The following CEBPZ variants were observed in gnomAD, a reference collection of about 807,000 sequenced individuals.
CEBPZ encodes CCAAT enhancer binding protein zeta, also known as CCAAT/enhancer-binding protein zeta.
Under a neutral mutation model 104.5 loss-of-function variants are expected in CEBPZ, and 78 were observed. The ratio of observed to expected loss-of-function variants is 0.75; its 90% confidence interval spans 0.62 to 0.90. The LOEUF is 0.90. Ranked by LOEUF, CEBPZ falls within the 40% of genes least tolerant of loss-of-function variation. CEBPZ has a pLI of 0.00. For synonymous variants in CEBPZ, 470 were observed against 427.0 expected (o/e 1.10, Z -1.24); for missense variants, 1,439 against 1,233.5 (o/e 1.17, Z -2.50).
rs1410448810 is a variant in CEBPZ at position 37,201,692 on chromosome 2, G to A, written c.*72C>T. ...TGGAATGTATGGAATCAGAGAGCTA[G>A]ATCAAAAAACATGGTTGAACAGCAA... is the stretch of plus-strand genomic sequence containing the variant. On this transcript the variant is annotated 3_prime_UTR_variant, in exon 16 of 16. Coordinates refer to ENST00000234170, the MANE Select transcript of CEBPZ (RefSeq NM_005760.3). The A allele has an allele frequency of 4.3e-6, 4 of 928,286 alleles. No individual in the cohort carries two copies. Among genetic ancestry groups the A allele is most frequent in the Non-Finnish European group, 5.2e-6 (3 of 577,470 alleles). 57.5% of individuals were successfully genotyped at this position (928,286 alleles called of 1,614,324 possible). A position where few individuals can be genotyped will look rare whatever the true frequency, so the allele number is the denominator to read the frequency against.
At chr2:37,215,245 G>T in intron 8 of CEBPZ, 1 of 238,312 alleles carries the variant, frequency 4.2e-6, no homozygotes. Flanking sequence ...TTGCATCCAG[G>T]ACCCAACTTT....
intron 10 of CEBPZ, chr2:37,212,757 G>A (rs971556189): frequency 5.6e-6 from 1 of 177,088 alleles, no homozygotes; most frequent in African/African-American, 2.4e-5. Flanking sequence ...AACATCTCAT[G>A]CTTGTAATTC....
chr2:37,208,593 C>T (rs1368035147), intron 13 of CEBPZ, among the ~76,000 whole-genome samples: 1 of 152,090 alleles, frequency 6.6e-6, no homozygotes, highest in East Asian at 1.9e-4. Context: ...AATCAAGCAT[C>T]CTTTATGATT....
chr2:37,203,072 G>T, intron 13 of CEBPZ, 64 bp from the exon 14 acceptor site: 1 of 1,094,280 alleles, frequency 9.1e-7, no homozygotes, highest in Non-Finnish European at 1.3e-6. Flanking sequence ...AAAATGCAAT[G>T]CAACATGATT....
Position 37,227,695 on chromosome 2 carries a change from C to A in CEBPZ, c.1498G>T (p.Gly500Cys). 1 of 1,614,160 alleles carries A rather than the reference C, an allele frequency of 6.2e-7. No individual in the cohort carries two copies. Among genetic ancestry groups the A allele is most frequent in the Non-Finnish European group, 8.5e-7 (1 of 1,180,036 alleles). The change falls in exon 2 of 16, where the codon GGT becomes TGT. Residue 500 changes from glycine (G) to cysteine (C), a missense_variant. Physicochemically the swap from Gly to Cys is radical, Grantham distance 159 (BLOSUM62 -3). Transcript: ENST00000234170. ...ATCTGCTCCCTTACTTTGTCATCAC[C>A]AGTCTGGGAATAAGGGTATGCCCTA... Reference protein sequence around the residue: ...VNRAYPYSQTGDDKVREQIDT... With the variant: ...VNRAYPYSQTCDDKVREQIDT...
rs916819322 is a variant in CEBPZ at position 37,202,067 on chromosome 2, T to G, written c.3026-164A>C. On this transcript the variant is annotated intron_variant, in intron 15 of 15. Coordinates refer to ENST00000234170, the MANE Select transcript of CEBPZ (RefSeq NM_005760.3). Reference sequence around the variant, plus strand: ...TGTTTGTTGCTTTTCTTCTCATATTTATTGTCAAAGATAAATGTTTCAAAA... The same window carrying G: ...TGTTTGTTGCTTTTCTTCTCATATTGATTGTCAAAGATAAATGTTTCAAAA... 1.1e-5 allele frequency: 5 copies of G among 466,874 alleles called. No homozygotes were observed. The South Asian group carries it at 3.1e-4, about 29-fold the overall frequency. The allele number at this position is 466,874 out of a possible 1,614,324, so 28.9% of individuals were successfully genotyped here. A position where few individuals can be genotyped will look rare whatever the true frequency, so the allele number is the denominator to read the frequency against.
chr2:37,231,222 TC>T, intron 1 of CEBPZ, 189 bp downstream of exon 1: 1 of 766,652 alleles, frequency 1.3e-6, no homozygotes, highest in African/African-American at 1.7e-5. Context: ...AACGTTCAAT[TC>T]GAAACTTTTC....
chr2:37,230,381 G>A (rs1388925462), intron 1 of CEBPZ, among the ~76,000 whole-genome samples: 1 of 152,124 alleles, frequency 6.6e-6, no homozygotes, highest in African/African-American at 2.4e-5. Context: ...CTTCCTATCA[G>A]GGCAATGGTT....
At position 37,227,529 on chromosome 2, in the gene CEBPZ, A is replaced by C; in HGVS notation, c.1649+15T>G. ...TTATTATTTCATGTCTCATATTGGAAGGGTATGTTCTTACCTGTATAATGC... is the reference window on the plus strand; with the variant it reads ...TTATTATTTCATGTCTCATATTGGACGGGTATGTTCTTACCTGTATAATGC... On this transcript the variant is annotated intron_variant, in intron 2 of 15. Coordinates refer to ENST00000234170, the MANE Select transcript of CEBPZ (RefSeq NM_005760.3). 1 of 1,571,098 alleles carries C rather than the reference A, an allele frequency of 6.4e-7. No individual in the cohort carries two copies. Among genetic ancestry groups the C allele is most frequent in the Non-Finnish European group, 8.6e-7 (1 of 1,159,976 alleles).
rs3213746 is a variant in CEBPZ, at chr2:37,231,525, G to A, written c.43C>T (p.Pro15Ser). 0.039 allele frequency: 62,842 copies of A among 1,614,146 alleles called. 6,628 individuals are homozygous for A. The highest frequency in any genetic ancestry group is 0.36 in the East Asian group (16,008 of 44,870). Residue 15 changes from proline to serine, a missense_variant, in exon 1 of 16, where the codon CCT becomes TCT. Physicochemically the swap from Pro to Ser is moderately conservative, Grantham distance 74. Transcript: ENST00000234170. ...TCTACTGCCTCCTCGGGGCGCCAAG[G>A]CCGCTTGGCATGGAACTCCAAAGGC... ...KEPLEFHAKR[P>S]WRPEEAVEDP...
chr2:37,209,123 A>G (rs1677637341), intron 13 of CEBPZ: 1 of 152,164 alleles, frequency 6.6e-6, no homozygotes, highest in Non-Finnish European at 1.5e-5. Flanking sequence ...GAAAACTACA[A>G]AACACTGCTG....
At chr2:37,201,964 A>G in intron 15 of CEBPZ, 61 bp from the exon 16 acceptor site, 12 of 1,509,670 alleles carry the variant, frequency 7.9e-6, no homozygotes, top group Non-Finnish European at 9.9e-6. Context: ...GTGGTCCCAC[A>G]GAACATGCTG....
intron 13 of CEBPZ, chr2:37,209,550 C>T (rs1053094511): frequency 6.6e-6 from 1 of 152,050 alleles, no homozygotes; most frequent in African/African-American, 2.4e-5. Flanking sequence ...GAAAGGACAC[C>T]CTATTGAACC....
At chr2:37,222,967 T>C (rs1258484298) in intron 3 of CEBPZ, among the ~76,000 whole-genome samples, 1 of 152,214 alleles carries the variant, frequency 6.6e-6, no homozygotes, top group Non-Finnish European at 1.5e-5. Flanking sequence ...TATAGTACAG[T>C]TTATTGCAAG....
In CEBPZ at chr2:37,222,449, CT is replaced by C; in HGVS notation, c.1995del (p.Val666PhefsTer6). 6.2e-7 allele frequency: 1 copy of C among 1,610,404 alleles called. No homozygotes were observed. Among genetic ancestry groups the C allele is most frequent in the Non-Finnish European group, 8.5e-7 (1 of 1,178,982 alleles). On this transcript the variant is annotated frameshift_variant, in exon 4 of 16. Coordinates refer to ENST00000234170, the MANE Select transcript of CEBPZ (RefSeq NM_005760.3). LOFTEE classifies it high-confidence loss of function. ...TTGGTTTCTACATCAGTTTCAGGAACTGTTTCCTCTGTCTCAAGTTTTTTCA... is the reference window on the plus strand; with the variant it reads ...TTGGTTTCTACATCAGTTTCAGGAACGTTTCCTCTGTCTCAAGTTTTTTCA... ...EIVKKLETEE[T>X]VPETDVETKK...
intron 13 of CEBPZ, among the ~76,000 whole-genome samples, chr2:37,206,308 A>G (rs1677538232): frequency 6.6e-6 from 1 of 152,268 alleles, no homozygotes; most frequent in Admixed American, 6.5e-5. Context: ...AGAATTCACC[A>G]CTACCAAGCC....
chr2:37,217,776 C>A (rs894508486), intron 5 of CEBPZ, among the ~76,000 whole-genome samples: 3 of 151,020 alleles, frequency 2.0e-5, no homozygotes, highest in Admixed American at 2.0e-4. Flanking sequence ...GTGGCGGGTG[C>A]CTGTAGTCCC....
chr2:37,231,545 A>C lies in CEBPZ; in HGVS notation c.23T>G (p.Leu8Trp). The C allele has an allele frequency of 6.2e-7, 1 of 1,614,232 alleles. No homozygotes were observed. Among genetic ancestry groups the C allele is most frequent in the Non-Finnish European group, 8.5e-7 (1 of 1,180,034 alleles). Residue 8 changes from leucine to tryptophan, a missense_variant, in exon 1 of 16, where the codon TTG becomes TGG. Transcript: ENST00000234170. MAAVKEP[L>W]EFHAKRPWRP... Reference sequence around the variant, plus strand: ...CCAAGGCCGCTTGGCATGGAACTCCAAAGGCTCCTTGACTGCGGCCATGGC... The same window carrying C: ...CCAAGGCCGCTTGGCATGGAACTCCCAAGGCTCCTTGACTGCGGCCATGGC...
rs534523328 is a variant in CEBPZ, at chr2:37,231,543, C to G, written c.25G>C (p.Glu9Gln). 7.6e-5 allele frequency: 123 copies of G among 1,614,224 alleles called. 1 individual carries two copies. The South Asian group carries it at 7.8e-4, about 10-fold the overall frequency. ...CGCCAAGGCCGCTTGGCATGGAACT[C>G]CAAAGGCTCCTTGACTGCGGCCATG... MAAVKEPL[E>Q]FHAKRPWRPE... is the part of the protein sequence containing the mutation. The change falls in exon 1 of 16, where the codon GAG becomes CAG. Residue 9 changes from glutamate to glutamine, a missense_variant. Physicochemically the swap from Glu to Gln is conservative, Grantham distance 29. Coordinates refer to ENST00000234170, the MANE Select transcript of CEBPZ (RefSeq NM_005760.3).
Sources: gnomAD v4.1 joint callset for allele counts (sites outside exome capture counted in the v4.1 genomes callset) on GRCh38, gnomAD v4.1.1 for gene constraint, MANE v1.5 for transcripts, NCBI Gene and HGNC (gene_info 2026-07-23, HGNC 2026-07-21) for gene names.